The following POLA1 variants were observed in gnomAD, a reference collection of about 807,000 sequenced individuals.
POLA1 encodes DNA polymerase alpha catalytic subunit.
In POLA1, 15 loss-of-function variants were observed where a neutral mutation model predicts 124.0. The ratio of observed to expected loss-of-function variants is 0.12; its 90% CI spans 0.08 to 0.19. The LOEUF (loss-of-function observed/expected upper bound fraction) is 0.19. Ranked by LOEUF, POLA1 falls within the 10% of genes least tolerant of loss-of-function variation. The probability of loss-of-function intolerance (pLI) is 1.00; values close to 1 mark genes in which losing one functional copy is unlikely to be tolerated. For synonymous variants in POLA1, 408 were observed against 389.4 expected (o/e 1.05, Z -0.56); for missense variants, 886 against 1,103.4 (o/e 0.80, Z 2.79).
chrX:24,730,873 G>T (rs776822779), intron 15 of POLA1, among the ~76,000 whole-genome samples: 19 of 112,341 alleles, frequency 1.7e-4, no homozygotes, highest in South Asian at 3.7e-4. Context: ...ACTGATAAAG[G>T]GATTGAATGA....
Position 24,727,554 on chromosome X carries a change from G to A in POLA1, c.1532-228G>A, listed in dbSNP as rs1319008121. Reference sequence around the variant, plus strand: ...GGGTCCTGGATGCTTTGGAGAATCTGATGAAAGCTATAGACCTCTTTCCCA... The same window carrying A: ...GGGTCCTGGATGCTTTGGAGAATCTAATGAAAGCTATAGACCTCTTTCCCA... On this transcript the variant is annotated intron_variant, in intron 14 of 36. Coordinates refer to ENST00000379068, the MANE Select transcript of POLA1 (RefSeq NM_001330360.2). Among the ~76,000 whole-genome samples, 4 of 111,660 alleles carry A rather than the reference G, an allele frequency of 3.6e-5. No homozygotes were observed. The Admixed American group carries it at 3.8e-4, about 11-fold the overall frequency.
At chrX:24,986,950 G>A (rs528597748) in intron 36 of POLA1, among the ~76,000 whole-genome samples, 1 of 111,277 alleles carries the variant, frequency 9.0e-6, no homozygotes, top group Non-Finnish European at 1.9e-5. Flanking sequence ...GGCACCCAGT[G>A]ACTATTATTT....
Position 24,742,009 on chromosome X carries a change from C to T in POLA1, c.2354C>T (p.Thr785Met). The change falls in exon 22 of 37, where the codon ACG becomes ATG. Residue 785 changes from threonine to methionine, a missense_variant. This residue lies in a region of POLA1 where 182 missense variants were observed against 252.8 expected (regional missense o/e 0.72). Coordinates refer to ENST00000379068, the MANE Select transcript of POLA1 (RefSeq NM_001330360.2). The stretch of plus-strand genomic sequence containing the variant: ...ATAAATTCCATTTAATAGTCCAGGA[C>T]GCTGATGGGTGGACGATCCGAGCGT... Reference protein sequence around the residue: ...TNIAGNIMSRTLMGGRSERNE... With the variant: ...TNIAGNIMSRMLMGGRSERNE... The T allele has an allele frequency of 5.8e-6, 7 of 1,204,272 alleles. No homozygotes were observed. The highest frequency in any genetic ancestry group is 7.9e-6 in the Non-Finnish European group (7 of 890,912).
At chrX:24,856,233 ACTATGATATGTT>A (rs962328241) in intron 34 of POLA1, among the ~76,000 whole-genome samples, 2 of 112,104 alleles carry the variant, frequency 1.8e-5, no homozygotes, top group Admixed American at 9.5e-5. Context: ...AACTCTGTCA[ACTATGATATGTT>A]CTCATCAGTA....
At chrX:24,763,714 G>A (rs1932840453) in intron 26 of POLA1, among the ~76,000 whole-genome samples, 1 of 111,665 alleles carries the variant, frequency 9.0e-6, no homozygotes, top group Non-Finnish European at 1.9e-5. Context: ...TTTCAGGGAA[G>A]TAGTAGGCAA....
intron 34 of POLA1, among the ~76,000 whole-genome samples, chrX:24,846,890 T>G (rs764201720): frequency 7.1e-5 from 8 of 112,385 alleles, no homozygotes; most frequent in Non-Finnish European, 1.3e-4. Flanking sequence ...AGGTTTTATC[T>G]TTGATCTGAC....
intron 34 of POLA1, among the ~76,000 whole-genome samples, chrX:24,880,305 G>A (rs933392435): frequency 1.8e-5 from 2 of 112,130 alleles, no homozygotes; most frequent in Admixed American, 9.4e-5. Flanking sequence ...TTAAAGAGAT[G>A]TCTTACTTAA....
At chrX:24,946,723 A>G (rs763277668) in intron 36 of POLA1, among the ~76,000 whole-genome samples, 2 of 111,901 alleles carry the variant, frequency 1.8e-5, no homozygotes, top group African/African-American at 6.5e-5. Flanking sequence ...TAATTATTTG[A>G]GGACAGGGAT....
At chrX:24,925,032 G>C (rs1292656972) in intron 35 of POLA1, among the ~76,000 whole-genome samples, 2 of 112,082 alleles carry the variant, frequency 1.8e-5, no homozygotes, top group Non-Finnish European at 3.8e-5. Context: ...ATCTCTGTCA[G>C]TGCTAGTGAG....
chrX:24,786,740 T>A lies in POLA1; in HGVS notation c.2965-23158T>A, dbSNP rs900279896. On this transcript the variant is annotated intron_variant, in intron 26 of 36. Transcript: ENST00000379068. ...GCCTCACCTCTGGCCCAGGCTGGAG[T>A]ATAGTGGCACAGTCAGGGCTCACTG... Among the ~76,000 whole-genome samples the A allele has an allele frequency of 1.4e-4, 13 of 93,289 alleles. No individual in the cohort carries two copies. The South Asian group carries it at 2.3e-3, about 16-fold the overall frequency. 81.0% of individuals were successfully genotyped at this position (93,289 alleles called of 115,157 possible).
chrX:24,713,180 G>C (rs1348976407), intron 4 of POLA1, among the ~76,000 whole-genome samples: 3 of 110,692 alleles, frequency 2.7e-5, no homozygotes, highest in African/African-American at 9.9e-5. Flanking sequence ...GGTCAGGCTG[G>C]TCTCGAACTC....
chrX:24,702,105 A>G (rs1448848018), intron 2 of POLA1, among the ~76,000 whole-genome samples: 1 of 100,817 alleles, frequency 9.9e-6, no homozygotes, highest in Non-Finnish European at 2.0e-5. Context: ...TCTCTTACCC[A>G]GGCTGGAGTG....
intron 24 of POLA1, among the ~76,000 whole-genome samples, chrX:24,746,618 T>C (rs1179112451): frequency 8.9e-6 from 1 of 112,302 alleles, no homozygotes; most frequent in Non-Finnish European, 1.9e-5. Flanking sequence ...TAGGAGTGGA[T>C]TGTAAACTTC....
chrX:24,744,760 G>T (rs888843563), intron 23 of POLA1, among the ~76,000 whole-genome samples: 18 of 109,192 alleles, frequency 1.6e-4, no homozygotes, highest in African/African-American at 5.3e-4. Context: ...AGACCGTCCT[G>T]GCCAACATGG....
chrX:24,868,437 A>G (rs902479320), intron 34 of POLA1, among the ~76,000 whole-genome samples: 1 of 111,977 alleles, frequency 8.9e-6, no homozygotes, highest in Non-Finnish European at 1.9e-5. Flanking sequence ...CAATAGCACT[A>G]AAAATCATCC....
chrX:24,910,446 A>G (rs954700847), intron 35 of POLA1, among the ~76,000 whole-genome samples: 9 of 111,320 alleles, frequency 8.1e-5, no homozygotes, highest in African/African-American at 2.9e-4. Context: ...AGTTTTTAGC[A>G]TGAAGCGTTG....
chrX:24,772,452 G>C (rs754865261), intron 26 of POLA1, among the ~76,000 whole-genome samples: 1 of 109,889 alleles, frequency 9.1e-6, no homozygotes, highest in Non-Finnish European at 1.9e-5. Flanking sequence ...GTAAACTTGT[G>C]TCATGGGGGT....
intron 26 of POLA1, among the ~76,000 whole-genome samples, chrX:24,770,772 G>C (rs1168660581): frequency 1.8e-5 from 2 of 110,912 alleles, no homozygotes; most frequent in African/African-American, 6.6e-5. Flanking sequence ...AACCTCTACA[G>C]TTCCATCTGT....
chrX:24,988,951 G>A (rs1408228772), intron 36 of POLA1, among the ~76,000 whole-genome samples: 2 of 111,766 alleles, frequency 1.8e-5, no homozygotes, highest in Non-Finnish European at 3.8e-5. Flanking sequence ...GGGTGACAAA[G>A]TGAGACTCCA....
Sources: allele counts gnomAD v4.1 joint callset (sites outside exome capture counted in the v4.1 genomes callset), GRCh38; gene constraint gnomAD v4.1.1; regional missense constraint gnomAD v4.1.1; transcripts MANE v1.5; gene names NCBI Gene and HGNC (gene_info 2026-07-23, HGNC 2026-07-21).